The following CDC42SE2 variants were observed in gnomAD, a reference collection of about 807,000 sequenced individuals.
CDC42SE2 encodes the protein CDC42 small effector 2.
A neutral mutation model predicts 11.5 loss-of-function variants in CDC42SE2; 3 were observed. That is an observed-to-expected ratio of 0.26 (90% CI 0.12 to 0.67). CDC42SE2 has a LOEUF of 0.67. Among genes scored for constraint, CDC42SE2 ranks in the 30% least tolerant of loss-of-function variants. The pLI, the probability that CDC42SE2 is intolerant of heterozygous loss-of-function variation, is 0.80. For missense variants in CDC42SE2, 82 were observed against 106.8 expected (o/e 0.77, Z 1.02); for synonymous variants, 33 against 34.8 (o/e 0.95, Z 0.18).
intron 1 of CDC42SE2, among the ~76,000 whole-genome samples, chr5:131,254,089 G>A (rs1756661251): frequency 6.6e-6 from 1 of 152,038 alleles, no homozygotes; most frequent in South Asian, 2.1e-4. Context: ...CAACGTGCGG[G>A]TTTGTTACAT....
At chr5:131,365,813 T>G (rs1749837057) in intron 3 of CDC42SE2, among the ~76,000 whole-genome samples, 1 of 152,098 alleles carries the variant, frequency 6.6e-6, no homozygotes, top group Non-Finnish European at 1.5e-5. Flanking sequence ...AAACCCCGTC[T>G]CTACTAAAAA....
chr5:131,370,997 T>C (rs1409014313), intron 3 of CDC42SE2, among the ~76,000 whole-genome samples: 1 of 152,200 alleles, frequency 6.6e-6, no homozygotes, highest in Non-Finnish European at 1.5e-5. Flanking sequence ...AAATCAGTAG[T>C]AGGGTGAGAC....
rs763857152 is a variant in CDC42SE2 at position 131,320,054 on chromosome 5, G to GAA, written c.-286+3936_-286+3937dup. Among the ~76,000 whole-genome samples the GAA allele has an allele frequency of 1.8e-3, 113 of 62,784 alleles. 1 individual carries two copies. Among genetic ancestry groups the GAA allele is most frequent in the African/African-American group, 3.7e-3 (71 of 19,054 alleles). 41.2% of individuals were successfully genotyped at this position (62,784 alleles called of 152,430 possible). ...GGACAGAGCAAGACTCCGTCTTAAA[G>GAA]AAAAAAAAAAAAAAAAAAAAAAAAA... On this transcript the variant is annotated intron_variant, in intron 2 of 4. Transcript: ENST00000505065.
chr5:131,298,724 A>G (rs570690407), intron 1 of CDC42SE2, among the ~76,000 whole-genome samples: 2 of 152,164 alleles, frequency 1.3e-5, no homozygotes, highest in South Asian at 2.1e-4. Context: ...TTCCCATGCT[A>G]TGCTAAGACC....
chr5:131,353,630 GCA>G (rs1481678045), intron 2 of CDC42SE2, among the ~76,000 whole-genome samples: 3 of 152,132 alleles, frequency 2.0e-5, no homozygotes, highest in Non-Finnish European at 2.9e-5. Flanking sequence ...TTAAGGCTGG[GCA>G]TGGTGGCTCA....
At chr5:131,310,470 G>T (rs1757880115) in intron 1 of CDC42SE2, among the ~76,000 whole-genome samples, 1 of 151,974 alleles carries the variant, frequency 6.6e-6, no homozygotes, top group African/African-American at 2.4e-5. Context: ...GGTCTGCTTG[G>T]TGCAGAGCTG....
chr5:131,349,410 A>G (rs1002612408), intron 2 of CDC42SE2, among the ~76,000 whole-genome samples: 1 of 152,174 alleles, frequency 6.6e-6, no homozygotes, highest in African/African-American at 2.4e-5. Context: ...TAACGAGTGC[A>G]GCACACCAAC....
intron 1 of CDC42SE2, 53 bp downstream of exon 1, chr5:131,264,219 C>G (rs1052044861): frequency 1.3e-5 from 2 of 152,350 alleles, no homozygotes; most frequent in East Asian, 3.9e-4. Context: ...CTCGCCCTCT[C>G]GGTCCCTTGG....
At chr5:131,319,477 A>G (rs1758115371) in intron 2 of CDC42SE2, among the ~76,000 whole-genome samples, 1 of 152,032 alleles carries the variant, frequency 6.6e-6, no homozygotes, top group African/African-American at 2.4e-5. Context: ...CAGAGCTTGC[A>G]CTCTGTATAC....
intron 1 of CDC42SE2, among the ~76,000 whole-genome samples, chr5:131,282,819 C>A (rs1172427302): frequency 6.8e-6 from 1 of 148,056 alleles, no homozygotes; most frequent in African/African-American, 2.5e-5. Flanking sequence ...TTAGTAGAGA[C>A]GGGGTTTCAC....
At chr5:131,230,604 C>A in the CDC42SE2 span, among the ~76,000 whole-genome samples, 1 of 152,190 alleles carries the variant, frequency 6.6e-6, no homozygotes, top group Non-Finnish European at 1.5e-5. Flanking sequence ...TTGTCTCCTA[C>A]TGACAGAATT....
chr5:131,214,267 G>C, the CDC42SE2 span, among the ~76,000 whole-genome samples: 1 of 152,196 alleles, frequency 6.6e-6, no homozygotes, highest in Non-Finnish European at 1.5e-5. Context: ...TAGCTACTCA[G>C]GAGGCTGATT....
chr5:131,287,086 C>T (rs2149706494), intron 1 of CDC42SE2, among the ~76,000 whole-genome samples: 1 of 152,274 alleles, frequency 6.6e-6, no homozygotes, highest in East Asian at 1.9e-4. Flanking sequence ...CCTCTGCCTC[C>T]TGGGTTCAAG....
At chr5:131,296,362 A>G (rs573554467) in intron 1 of CDC42SE2, among the ~76,000 whole-genome samples, 13 of 152,298 alleles carry the variant, frequency 8.5e-5, no homozygotes, top group African/African-American at 2.9e-4. Context: ...AGGTATCACA[A>G]ACTAGGTGGC....
At chr5:131,267,226 T>C (rs548641435) in intron 1 of CDC42SE2, among the ~76,000 whole-genome samples, 91 of 152,174 alleles carry the variant, frequency 6.0e-4, no homozygotes, top group Non-Finnish European at 4.4e-5. Flanking sequence ...GGCTAATTTT[T>C]GTATTTTTAG....
At chr5:131,357,419 T>C (rs1749584289) in intron 2 of CDC42SE2, among the ~76,000 whole-genome samples, 1 of 152,218 alleles carries the variant, frequency 6.6e-6, no homozygotes, top group African/African-American at 2.4e-5. Context: ...CATCTTTATC[T>C]GTACAGCTAC....
chr5:131,220,860 C>CTATAGGAG, the CDC42SE2 span, among the ~76,000 whole-genome samples: 1 of 149,190 alleles, frequency 6.7e-6, no homozygotes, highest in East Asian at 1.9e-4. Context: ...ACCAAAACGT[C>CTATAGGAG]TATAGGAGTA....
At chr5:131,228,872 G>A in the CDC42SE2 span, among the ~76,000 whole-genome samples, 1 of 152,210 alleles carries the variant, frequency 6.6e-6, no homozygotes, top group Non-Finnish European at 1.5e-5. Context: ...TGCAAGCCAG[G>A]AAGACAGCTC....
At chr5:131,253,885 C>T (rs1195746400) in intron 1 of CDC42SE2, among the ~76,000 whole-genome samples, 1 of 152,176 alleles carries the variant, frequency 6.6e-6, no homozygotes, top group African/African-American at 2.4e-5. Context: ...TTTTGGGAAT[C>T]TCTCATAGTC....
Sources: gnomAD v4.1 joint callset for allele counts (sites outside exome capture counted in the v4.1 genomes callset) on GRCh38, gnomAD v4.1.1 for gene constraint, MANE v1.5 for transcripts, NCBI Gene and HGNC (gene_info 2026-07-23, HGNC 2026-07-21) for gene names.